The following GBF1 variants were observed in gnomAD, a reference collection of about 807,000 sequenced individuals.
GBF1 encodes the protein Golgi-specific brefeldin A-resistance guanine nucleotide exchange factor 1.
A neutral mutation model predicts 210.5 loss-of-function variants in GBF1; 114 were observed. The ratio of observed to expected loss-of-function variants is 0.54; its 90% CI spans 0.47 to 0.63. The LOEUF (loss-of-function observed/expected upper bound fraction) is 0.63, where lower values mean the gene tolerates loss of function less well. Ranked by LOEUF, GBF1 falls within the 30% of genes least tolerant of loss-of-function variation. GBF1 has a pLI of 0.00. For synonymous variants in GBF1, 850 were observed against 889.2 expected, an observed-to-expected ratio of 0.96 and a Z score of 0.78; for missense variants, 1,851 against 2,357.7, an observed-to-expected ratio of 0.79 and a Z score of 4.45.
chr10:102,366,358 C>A lies in GBF1; in HGVS notation c.2310-25C>A. On this transcript the variant is annotated intron_variant, in intron 18 of 39. Coordinates refer to ENST00000369983, the MANE Select transcript of GBF1 (RefSeq NM_001377137.1). The surrounding 1 kb of genome is among the most constrained non-coding windows in gnomAD (Gnocchi z 4.0). ...CATGTGCAGCTTACACATTTTCAGCCTCTTCTTCCTTTCTTTCCCTATAGC... is the reference window on the plus strand; with the variant it reads ...CATGTGCAGCTTACACATTTTCAGCATCTTCTTCCTTTCTTTCCCTATAGC... The A allele has an allele frequency of 6.2e-7, 1 of 1,613,560 alleles. No individual in the cohort carries two copies. The highest frequency in any genetic ancestry group is 8.5e-7 in the Non-Finnish European group (1 of 1,179,582).
At position 102,382,692 on chromosome 10, in the gene GBF1, T is replaced by C. The variant is rs1057216714; in HGVS notation, c.*356T>C. The C allele has an allele frequency of 1.3e-5, 3 of 228,636 alleles. No individual in the cohort carries two copies. The highest frequency in any genetic ancestry group is 5.4e-5 in the Admixed American group (1 of 18,554). 14.2% of individuals were successfully genotyped at this position (228,636 alleles called of 1,614,324 possible). On this transcript the variant is annotated 3_prime_UTR_variant, in exon 40 of 40. Coordinates refer to ENST00000369983, the MANE Select transcript of GBF1 (RefSeq NM_001377137.1). ...AACTAAGCCCAACCACTCTGCACTT[T>C]GTTTCCCACTCCCATTAGCCCTGGG...
At position 102,375,557 on chromosome 10, in the gene GBF1, A is replaced by T; in HGVS notation, c.3859A>T (p.Thr1287Ser). The change falls in exon 30 of 40, where the codon ACA becomes TCA. Residue 1287 changes from threonine to serine, a missense_variant. This residue lies in a region of GBF1 where 967 missense variants were observed against 1,247.7 expected (regional missense o/e 0.78). Coordinates refer to ENST00000369983, the MANE Select transcript of GBF1 (RefSeq NM_001377137.1). ...GVKPPAALQATARADAPDAGA... is the reference protein window; with the variant it reads ...GVKPPAALQASARADAPDAGA... Reference sequence around the variant, plus strand: ...GAAGCCTCCAGCTGCTCTGCAGGCCACAGCCAGGGCAGATGCACCTGATGC... The same window carrying T: ...GAAGCCTCCAGCTGCTCTGCAGGCCTCAGCCAGGGCAGATGCACCTGATGC... 1 of 1,612,376 alleles carries T rather than the reference A, an allele frequency of 6.2e-7. No homozygotes were observed. Among genetic ancestry groups the T allele is most frequent in the Non-Finnish European group, 8.5e-7 (1 of 1,178,410 alleles).
chr10:102,305,874 G>A (rs542605688), intron 3 of GBF1, among the ~76,000 whole-genome samples: 175 of 152,334 alleles, frequency 1.1e-3, no homozygotes, highest in South Asian at 2.3e-3. Context: ...TTAAATGAGT[G>A]TGAAGTACTG....
chr10:102,262,341 AT>A (rs563228770), intron 3 of GBF1, among the ~76,000 whole-genome samples: 22 of 148,704 alleles, frequency 1.5e-4, no homozygotes, highest in East Asian at 2.0e-4. Flanking sequence ...ACTTGCACAG[AT>A]TTTTTTTTTT....
At position 102,343,015 on chromosome 10, in the gene GBF1, C is replaced by T. The variant is rs144250815; in HGVS notation, c.164-1036C>T. ...ATTAGTTGTGTGATTTGGGACTAATCATGTATCTTATCTGAGCCTTTTCTC... is the reference window on the plus strand; with the variant it reads ...ATTAGTTGTGTGATTTGGGACTAATTATGTATCTTATCTGAGCCTTTTCTC... On this transcript the variant is annotated intron_variant, in intron 3 of 39. Transcript: ENST00000369983. Among the ~76,000 whole-genome samples, 13 of 152,230 alleles carry T rather than the reference C, an allele frequency of 8.5e-5. No individual in the cohort carries two copies. The East Asian group carries it at 2.5e-3, about 29-fold the overall frequency.
chr10:102,381,741 C>T (rs2060860402), intron 39 of GBF1, among the ~76,000 whole-genome samples: 1 of 138,664 alleles, frequency 7.2e-6, no homozygotes. Flanking sequence ...GGAAGGATCG[C>T]TTGAACCCGG....
the GBF1 span, chr10:102,231,607 AG>A: frequency 6.2e-7 from 1 of 1,607,444 alleles, no homozygotes; most frequent in Non-Finnish European, 8.5e-7. Context: ...GGCCTCGGTG[AG>A]GTTGGTCCAC....
rs1037677292 is a variant in GBF1 at position 102,381,130 on chromosome 10, C to T, written c.5177C>T (p.Pro1726Leu). 6.2e-7 allele frequency: 1 copy of T among 1,613,780 alleles called. No individual in the cohort carries two copies. Among genetic ancestry groups the T allele is most frequent in the African/African-American group, 1.3e-5 (1 of 74,932 alleles). The change falls in exon 39 of 40, where the codon CCC becomes CTC. Residue 1726 changes from proline (P) to leucine (L), a missense_variant. This residue lies in a region of GBF1 where 967 missense variants were observed against 1,247.7 expected (regional missense o/e 0.78). Coordinates refer to ENST00000369983, the MANE Select transcript of GBF1 (RefSeq NM_001377137.1). ...ELFKQTVIQD[P>L]MPMEPQGQKP... ...CTCAATTCTCTACCGTCTCCAGACC[C>T]CATGCCCATGGAGCCTCAAGGCCAA...
intron 3 of GBF1, among the ~76,000 whole-genome samples, chr10:102,303,659 C>T (rs1186885284): frequency 6.6e-6 from 1 of 152,190 alleles, no homozygotes; most frequent in East Asian, 1.9e-4. Context: ...CACCACGCAG[C>T]TTCAGTTCTC....
the GBF1 span, chr10:102,231,624 G>C: frequency 6.2e-7 from 1 of 1,609,588 alleles, no homozygotes; most frequent in Non-Finnish European, 8.5e-7. Context: ...TCCACACGGC[G>C]ATCTCCTCGC....
chr10:102,343,616 C>T (rs1479960079), intron 3 of GBF1, among the ~76,000 whole-genome samples: 2 of 151,868 alleles, frequency 1.3e-5, no homozygotes, highest in Non-Finnish European at 2.9e-5. Flanking sequence ...CTCAGGAGTT[C>T]GAGACCAACC....
chr10:102,269,807 T>A (rs1454067099), intron 3 of GBF1, among the ~76,000 whole-genome samples: 2 of 152,108 alleles, frequency 1.3e-5, no homozygotes, highest in African/African-American at 4.8e-5. Context: ...GCTACAGTGG[T>A]GTTTTTCAGA....
rs544550993 is a variant in GBF1, at chr10:102,380,634, C to G, written c.5121C>G (p.Asp1707Glu). Residue 1707 changes from aspartate to glutamate, a missense_variant, in exon 38 of 40, where the codon GAC becomes GAG. By Grantham distance (45) the Asp-to-Glu change is conservative. This residue lies in a region of GBF1 where 967 missense variants were observed against 1,247.7 expected (regional missense o/e 0.78). Transcript: ENST00000369983. ...GGGAGATCACCTGGGAACGCATTGA[C>G]TGTTTTCTCCCTCACCTACGAGATG... ...ALWEITWERI[D>E]CFLPHLRDEL... The G allele has an allele frequency of 6.2e-7, 1 of 1,614,062 alleles. No homozygotes were observed. The highest frequency in any genetic ancestry group is 1.1e-5 in the South Asian group (1 of 91,072).
At position 102,358,709 on chromosome 10, in the gene GBF1, C is replaced by G. The variant is rs751773741; in HGVS notation, c.991C>G (p.Pro331Ala). 2 of 1,612,638 alleles carry G rather than the reference C, an allele frequency of 1.2e-6. No individual in the cohort carries two copies. Among genetic ancestry groups the G allele is most frequent in the Non-Finnish European group, 1.7e-6 (2 of 1,178,666 alleles). The part of the protein sequence containing the change: ...TEPGSSELGV[P>A]EQPDLQQEGT... ...GCCTGGAAGCAGTGAGCTAGGTGTTCCCGAGCAGCCTGACCTCCAGGTATG... is the reference window on the plus strand; with the variant it reads ...GCCTGGAAGCAGTGAGCTAGGTGTTGCCGAGCAGCCTGACCTCCAGGTATG... Residue 331 changes from proline to alanine, a missense_variant, in exon 10 of 40, where the codon CCC becomes GCC. Pro to Ala is a conservative substitution (Grantham distance 27). Coordinates refer to ENST00000369983, the MANE Select transcript of GBF1 (RefSeq NM_001377137.1).
chr10:102,331,486 A>G (rs937963948), intron 3 of GBF1, among the ~76,000 whole-genome samples: 1 of 151,666 alleles, frequency 6.6e-6, no homozygotes, highest in South Asian at 2.1e-4. Flanking sequence ...TTGATTCATT[A>G]AAAAAAACAG....
chr10:102,368,582 G>T (rs985858635), intron 22 of GBF1, 128 bp downstream of exon 22: 2 of 814,832 alleles, frequency 2.5e-6, no homozygotes, highest in South Asian at 1.6e-5. Context: ...TTTGGAGGGA[G>T]GCTGAAGCTT....
chr10:102,367,063 G>A (rs1196168899), intron 19 of GBF1, 22 bp from the exon 20 acceptor site: 4 of 1,613,382 alleles, frequency 2.5e-6, no homozygotes, highest in Non-Finnish European at 3.4e-6. Context: ...CATTGACACA[G>A]GCGGGATCTT....
At position 102,316,617 on chromosome 10, in the gene GBF1, C is replaced by T. The variant is rs182585196; in HGVS notation, c.164-27434C>T. 1.6e-3 allele frequency among the ~76,000 whole-genome samples: 237 copies of T among 152,318 alleles called. 1 individual carries two copies. Among genetic ancestry groups the T allele is most frequent in the African/African-American group, 5.0e-3 (207 of 41,578 alleles). Reference sequence around the variant, plus strand: ...CACAGTTAACGAGTAGAATACTTGGCATGCCTGACAATCAGAAATCATAGT... The same window carrying T: ...CACAGTTAACGAGTAGAATACTTGGTATGCCTGACAATCAGAAATCATAGT... On this transcript the variant is annotated intron_variant, in intron 3 of 39. Coordinates refer to ENST00000369983, the MANE Select transcript of GBF1 (RefSeq NM_001377137.1).
the GBF1 span, among the ~76,000 whole-genome samples, chr10:102,238,315 TCAC>T: frequency 6.6e-6 from 1 of 152,194 alleles, no homozygotes; most frequent in Non-Finnish European, 1.5e-5. Flanking sequence ...CATCCTTCAG[TCAC>T]CACAAGTCAG....
Sources: allele counts gnomAD v4.1 joint callset (sites outside exome capture counted in the v4.1 genomes callset), GRCh38; gene constraint gnomAD v4.1.1; regional missense constraint gnomAD v4.1.1; non-coding constraint Gnocchi (gnomAD v3.1); transcripts MANE v1.5; gene names NCBI Gene and HGNC (gene_info 2026-07-23, HGNC 2026-07-21).